ETV7: variants seen among roughly 807,000 people sequenced by gnomAD.
ETV7 encodes ETS variant transcription factor 7, also known as transcription factor ETV7.
ETV7 carries 43 observed loss-of-function variants against 39.1 expected under a neutral mutation model. The observed-to-expected ratio is 1.10, with a 90% CI of 0.86 to 1.42. ETV7 has a LOEUF of 1.42. Ranked by LOEUF, ETV7 falls within the 40% of genes most tolerant of loss-of-function variation. ETV7 has a pLI of 0.00. For synonymous variants in ETV7, 196 were observed against 176.6 expected (o/e 1.11, Z -0.87); for missense variants, 432 against 442.3 (o/e 0.98, Z 0.21).
chr6:36,382,903 G>T (rs374674739), intron 2 of ETV7, among the ~76,000 whole-genome samples: 1 of 152,162 alleles, frequency 6.6e-6, no homozygotes. Context: ...ACGCAGGACC[G>T]AGAAGTAAGA....
downstream of ETV7, among the ~76,000 whole-genome samples, chr6:36,361,326 G>A (rs1772482814): frequency 6.6e-6 from 1 of 152,194 alleles, no homozygotes; most frequent in African/African-American, 2.4e-5. Context: ...AGCTCACACT[G>A]CCCTCGCATT....
At chr6:36,386,615 G>A (rs1178267766) in intron 1 of ETV7, among the ~76,000 whole-genome samples, 1 of 152,222 alleles carries the variant, frequency 6.6e-6, no homozygotes, top group African/African-American at 2.4e-5. Context: ...ATTGTCAAAA[G>A]CTTTACATTC....
At position 36,366,481 on chromosome 6, in the gene ETV7, G is replaced by A; in HGVS notation, c.*164C>T. On this transcript the variant is annotated 3_prime_UTR_variant, in exon 8 of 8. Transcript: ENST00000340181. Reference sequence around the variant, plus strand: ...AAAAGATGACACTCCTGCCCCCAGTGTCCTGGATGGGAGGCCTCCCAGCCT... The same window carrying A: ...AAAAGATGACACTCCTGCCCCCAGTATCCTGGATGGGAGGCCTCCCAGCCT... The A allele has an allele frequency of 3.3e-6, 5 of 1,498,258 alleles. No homozygotes were observed. Among genetic ancestry groups the A allele is most frequent in the Non-Finnish European group, 4.4e-6 (5 of 1,130,662 alleles). 92.8% of individuals were successfully genotyped at this position (1,498,258 alleles called of 1,614,324 possible). A position where few individuals can be genotyped will look rare whatever the true frequency, so the allele number is the denominator to read the frequency against.
At position 36,376,055 on chromosome 6, in the gene ETV7, G is replaced by GT. The variant is rs547997916; in HGVS notation, c.143-21dup. 519 of 1,587,416 alleles carry GT rather than the reference G, an allele frequency of 3.3e-4. 1 individual carries two copies. In the African/African-American group the frequency reaches 5.7e-3, roughly 17 times the overall value. On this transcript the variant is annotated intron_variant, in intron 2 of 7. Coordinates refer to ENST00000340181, the MANE Select transcript of ETV7 (RefSeq NM_016135.4). ...GGATGCCTGCAACCAGCAAGGACCA[G>GT]TCCCATCACTCCCCGTCGGGCCTCC... is the stretch of plus-strand genomic sequence containing the variant.
Position 36,373,525 on chromosome 6 carries a change from C to G in ETV7, c.361G>C (p.Val121Leu), listed in dbSNP as rs1773147334. 3 of 1,553,762 alleles carry G rather than the reference C, an allele frequency of 1.9e-6. No homozygotes were observed. Among genetic ancestry groups the G allele is most frequent in the Non-Finnish European group, 2.6e-6 (3 of 1,149,868 alleles). ...ATCCCTCCAAAAAAGGGCCCACACACCAGGGCTCGCCGCTGGGTCTTGATG... is the reference window on the plus strand; with the variant it reads ...ATCCCTCCAAAAAAGGGCCCACACAGCAGGGCTCGCCGCTGGGTCTTGATG... ...QYIKTQRRAL[V>L]CGPFFGGIFR... Residue 121 changes from valine to leucine, a missense_variant, in exon 4 of 8, where the codon GTG becomes CTG. Physicochemically the swap from Val to Leu is conservative, Grantham distance 32 (BLOSUM62 1). Transcript: ENST00000340181.
chr6:36,373,696 A>C, intron 3 of ETV7, 118 bp from the exon 4 acceptor site: 1 of 1,205,458 alleles, frequency 8.3e-7, no homozygotes, highest in Non-Finnish European at 1.1e-6. Context: ...TCACAGCTTC[A>C]TGCCGATGGC....
At chr6:36,372,774 C>G (rs1376676832) in intron 4 of ETV7, among the ~76,000 whole-genome samples, 1 of 143,126 alleles carries the variant, frequency 7.0e-6, no homozygotes, top group African/African-American at 2.6e-5. Flanking sequence ...ACTAGATGCC[C>G]CAGTGGAGGG....
chr6:36,372,299 G>A (rs532248170), intron 4 of ETV7, among the ~76,000 whole-genome samples: 9 of 152,308 alleles, frequency 5.9e-5, no homozygotes, highest in South Asian at 2.1e-4. Context: ...CCGAAGGCCC[G>A]TGTGTCTGGA....
chr6:36,371,439 G>C lies in ETV7; in HGVS notation c.555C>G (p.Gly185=). ...DDPGLARWTP[G]KEESLNLCHC... Reference sequence around the variant, plus strand: ...GACATAAGTTGAGGGACTCCTCCTTGCCAGGGGTCCACCTTGCCAGGCCAG... The same window carrying C: ...GACATAAGTTGAGGGACTCCTCCTTCCCAGGGGTCCACCTTGCCAGGCCAG... The change falls in exon 5 of 8, where the codon GGC becomes GGG. Residue 185 remains glycine (G), a synonymous_variant. Coordinates refer to ENST00000340181, the MANE Select transcript of ETV7 (RefSeq NM_016135.4). The C allele has an allele frequency of 6.2e-7, 1 of 1,600,866 alleles. No individual in the cohort carries two copies. Among genetic ancestry groups the C allele is most frequent in the Non-Finnish European group, 8.5e-7 (1 of 1,173,144 alleles).
chr6:36,355,436 G>C (rs1251137350), intron 7 of ETV7, among the ~76,000 whole-genome samples: 1 of 150,760 alleles, frequency 6.6e-6, no homozygotes, highest in Non-Finnish European at 1.5e-5. Flanking sequence ...CTGTCATCCA[G>C]GCTGGAGTGC....
chr6:36,378,829 G>C (rs890031032), intron 2 of ETV7, among the ~76,000 whole-genome samples: 4 of 152,178 alleles, frequency 2.6e-5, no homozygotes, highest in African/African-American at 7.2e-5. Flanking sequence ...AAATGTCCCC[G>C]GGGGGAAAGG....
downstream of ETV7, among the ~76,000 whole-genome samples, chr6:36,362,379 C>T (rs1255410575): frequency 2.0e-5 from 3 of 152,064 alleles, no homozygotes; most frequent in East Asian, 1.9e-4. Flanking sequence ...AGGAGAATCA[C>T]TTGAACCCAG....
chr6:36,371,591 G>T, intron 4 of ETV7, 31 bp from the exon 5 acceptor site: 1 of 1,537,454 alleles, frequency 6.5e-7, no homozygotes, highest in Non-Finnish European at 8.8e-7. Flanking sequence ...GTGGTAGCAG[G>T]CAGTGGGCCC....
chr6:36,358,805 G>A (rs559713063), intron 7 of ETV7, among the ~76,000 whole-genome samples: 1 of 152,360 alleles, frequency 6.6e-6, no homozygotes, highest in South Asian at 2.1e-4. Flanking sequence ...TCATGTGACT[G>A]AGGGGAAAGC....
rs73407000 is a variant in ETV7 at position 36,373,376 on chromosome 6, C to T, written c.433+77G>A. ...ACACTGGCCACCTCTTTCATTGCTT[C>T]GCCTTGAGGATGTCCTGCCCTCCCA... On this transcript the variant is annotated intron_variant, in intron 4 of 7. Transcript: ENST00000340181. The T allele has an allele frequency of 5.8e-3, 8,274 of 1,416,396 alleles. 275 individuals are homozygous for T. In the African/African-American group the frequency reaches 0.086, roughly 15 times the overall value. 87.7% of individuals were successfully genotyped at this position (1,416,396 alleles called of 1,614,324 possible).
At chr6:36,357,439 G>A (rs1370721706) in intron 7 of ETV7, among the ~76,000 whole-genome samples, 1 of 152,178 alleles carries the variant, frequency 6.6e-6, no homozygotes, top group Non-Finnish European at 1.5e-5. Flanking sequence ...ACAGTCTCCT[G>A]GCCACAGAGC....
chr6:36,387,480 A>G, intron 1 of ETV7, 56 bp downstream of exon 1: 3 of 1,611,310 alleles, frequency 1.9e-6, no homozygotes, highest in Middle Eastern at 1.7e-4. Context: ...TGAGGAAAGG[A>G]TGCGGGAGCA....
intron 1 of ETV7, among the ~76,000 whole-genome samples, chr6:36,387,175 C>A (rs375323593): frequency 6.6e-6 from 1 of 152,120 alleles, no homozygotes; most frequent in Admixed American, 6.5e-5. Context: ...GGGCTCCCTG[C>A]GAGAATGCGT....
intron 6 of ETV7, among the ~76,000 whole-genome samples, chr6:36,368,575 C>T (rs932622494): frequency 1.3e-5 from 2 of 152,182 alleles, no homozygotes; most frequent in African/African-American, 4.8e-5. Context: ...ATCAGATGCT[C>T]CTGTTGGGCC....
Sources: gnomAD v4.1 joint callset for allele counts (sites outside exome capture counted in the v4.1 genomes callset) on GRCh38, gnomAD v4.1.1 for gene constraint, MANE v1.5 for transcripts, NCBI Gene and HGNC (gene_info 2026-07-23, HGNC 2026-07-21) for gene names.